MSI2: variants seen among roughly 807,000 people sequenced by gnomAD.
The protein encoded by MSI2 is musashi RNA binding protein 2.
A neutral mutation model predicts 45.6 loss-of-function variants in MSI2; 17 were observed. That is an observed-to-expected ratio of 0.37 (90% CI 0.26 to 0.56). The LOEUF (loss-of-function observed/expected upper bound fraction) is 0.56, where lower values mean the gene tolerates loss of function less well. Among genes scored for constraint, MSI2 ranks in the 20% least tolerant of loss-of-function variants. The pLI, the probability that MSI2 is intolerant of heterozygous loss-of-function variation, is 0.77. For missense variants in MSI2, 293 were observed against 444.2 expected, an observed-to-expected ratio of 0.66 and a Z score of 3.06; for synonymous variants, 156 against 158.2, an observed-to-expected ratio of 0.99 and a Z score of 0.11.
chr17:57,611,699 G>A (rs1236908223), intron 8 of MSI2, among the ~76,000 whole-genome samples: 1 of 95,944 alleles, frequency 1.0e-5, no homozygotes, highest in Non-Finnish European at 2.5e-5. Context: ...AAGACCAGGC[G>A]CCATGGAGAA....
intron 5 of MSI2, among the ~76,000 whole-genome samples, chr17:57,366,443 C>G (rs1917199732): frequency 6.6e-6 from 1 of 152,246 alleles, no homozygotes; most frequent in African/African-American, 2.4e-5. Context: ...TGACCACATG[C>G]TGCTCTTAAA....
Position 57,442,553 on chromosome 17 carries a change from C to T in MSI2, c.405+41082C>T, listed in dbSNP as rs1006571568. On this transcript the variant is annotated intron_variant, in intron 6 of 13. Coordinates refer to ENST00000284073, the MANE Select transcript of MSI2 (RefSeq NM_138962.4). ...TTAGCCATCTCCCCTCCCCTTCTCCCGGAAGAAATGGGTGTTTTGTTCTCC... is the reference window on the plus strand; with the variant it reads ...TTAGCCATCTCCCCTCCCCTTCTCCTGGAAGAAATGGGTGTTTTGTTCTCC... Among the ~76,000 whole-genome samples, 14 of 152,154 alleles carry T rather than the reference C, an allele frequency of 9.2e-5. No homozygotes were observed. In the East Asian group the frequency reaches 9.6e-4, roughly 10 times the overall value.
chr17:57,383,655 C>A (rs538876268), intron 5 of MSI2, among the ~76,000 whole-genome samples: 1 of 150,836 alleles, frequency 6.6e-6, no homozygotes, highest in Admixed American at 6.6e-5. Context: ...AGCAAGACTC[C>A]GTCTAAAAAA....
intron 6 of MSI2, among the ~76,000 whole-genome samples, chr17:57,440,270 A>G (rs766098499): frequency 2.0e-5 from 3 of 152,186 alleles, no homozygotes; most frequent in Admixed American, 6.5e-5. Flanking sequence ...GCTGGGGCAC[A>G]GGAAGCCGTG....
At chr17:57,363,701 T>G (rs1916986316) in intron 5 of MSI2, among the ~76,000 whole-genome samples, 1 of 152,158 alleles carries the variant, frequency 6.6e-6, no homozygotes, top group Non-Finnish European at 1.5e-5. Context: ...TTGGCACCAC[T>G]GCACTCCAGC....
intron 6 of MSI2, among the ~76,000 whole-genome samples, chr17:57,509,417 TTTTTG>T (rs374265691): frequency 7.2e-5 from 11 of 152,226 alleles, no homozygotes; most frequent in Non-Finnish European, 1.0e-4. Context: ...GGTTGCTTGC[TTTTTG>T]TTTTGTTTTG....
intron 5 of MSI2, among the ~76,000 whole-genome samples, chr17:57,345,817 T>TC (rs1330130869): frequency 4.4e-5 from 3 of 68,320 alleles, no homozygotes; most frequent in Non-Finnish European, 2.6e-5. Context: ...GGACTCCGTC[T>TC]CAAAAAAAAA....
At chr17:57,392,803 T>C (rs1393913876) in intron 5 of MSI2, among the ~76,000 whole-genome samples, 2 of 152,138 alleles carry the variant, frequency 1.3e-5, no homozygotes, top group Admixed American at 6.6e-5. Context: ...TTCTTGGACA[T>C]GTGGGCTTAT....
Position 57,355,054 on chromosome 17 carries a change from G to A in MSI2, c.313-46325G>A, listed in dbSNP as rs201360299. ...CTCAAAGGAACCCAACCAGAAAGGA[G>A]AATACCTTGGCCCACATAACTGTAA... is the stretch of plus-strand genomic sequence containing the variant. On this transcript the variant is annotated intron_variant, in intron 5 of 13. Coordinates refer to ENST00000284073, the MANE Select transcript of MSI2 (RefSeq NM_138962.4). Among the ~76,000 whole-genome samples the A allele has an allele frequency of 7.2e-5, 11 of 152,326 alleles. No homozygotes were observed. In the East Asian group the frequency reaches 1.7e-3, roughly 24 times the overall value.
chr17:57,606,495 G>A (rs1166080590), intron 8 of MSI2: 2 of 152,198 alleles, frequency 1.3e-5, no homozygotes, highest in Non-Finnish European at 2.9e-5. Context: ...AGACTAGGAG[G>A]CACCCACTCT....
At chr17:57,648,874 G>A (rs1910899951) in intron 10 of MSI2, among the ~76,000 whole-genome samples, 1 of 152,170 alleles carries the variant, frequency 6.6e-6, no homozygotes, top group Non-Finnish European at 1.5e-5. Flanking sequence ...TCAGGGCCTG[G>A]GGGAAAATGC....
At chr17:57,484,517 G>C (rs1351709292) in intron 6 of MSI2, among the ~76,000 whole-genome samples, 4 of 152,186 alleles carry the variant, frequency 2.6e-5, no homozygotes, top group African/African-American at 9.6e-5. Context: ...AGTTACCACA[G>C]CCTTCTTTGT....
chr17:57,518,703 G>A (rs1458265702), intron 6 of MSI2, among the ~76,000 whole-genome samples: 1 of 152,150 alleles, frequency 6.6e-6, no homozygotes, highest in Non-Finnish European at 1.5e-5. Flanking sequence ...AGAGGCTGGA[G>A]AGGGGGAGAA....
chr17:57,352,589 G>A (rs554199853), intron 5 of MSI2, among the ~76,000 whole-genome samples: 1 of 152,190 alleles, frequency 6.6e-6, no homozygotes, highest in African/African-American at 2.4e-5. Flanking sequence ...GCTCACAAAG[G>A]TCTGTGATTT....
chr17:57,494,440 G>A (rs1015613180), intron 6 of MSI2, among the ~76,000 whole-genome samples: 3 of 152,262 alleles, frequency 2.0e-5, no homozygotes, highest in Admixed American at 2.0e-4. Context: ...TTGGGGGCTG[G>A]AGAAGTAGAG....
chr17:57,592,180 A>T (rs1446728627), intron 7 of MSI2, among the ~76,000 whole-genome samples: 1 of 152,096 alleles, frequency 6.6e-6, no homozygotes, highest in African/African-American at 2.4e-5. Flanking sequence ...TCCAAAAAAA[A>T]AAAAAAGGCT....
chr17:57,589,816 GATGGA>G (rs1904657495), intron 7 of MSI2, among the ~76,000 whole-genome samples: 1 of 152,200 alleles, frequency 6.6e-6, no homozygotes, highest in Non-Finnish European at 1.5e-5. Context: ...GCCATGTCAC[GATGGA>G]TGAGTCACTG....
At chr17:57,277,053 C>CT (rs34561938) in intron 5 of MSI2, among the ~76,000 whole-genome samples, 8,902 of 124,888 alleles carry the variant, frequency 0.071, 393 homozygotes, top group East Asian at 0.12. Flanking sequence ...GTTTTCTTTT[C>CT]TTTTTTTTTT....
intron 6 of MSI2, among the ~76,000 whole-genome samples, chr17:57,431,011 C>T: frequency 6.6e-6 from 1 of 152,264 alleles, no homozygotes; most frequent in East Asian, 1.9e-4. Flanking sequence ...TTTCCTCTCT[C>T]TTTGGCTGTA....
Sources: gnomAD v4.1 joint callset for allele counts (sites outside exome capture counted in the v4.1 genomes callset) on GRCh38, gnomAD v4.1.1 for gene constraint, MANE v1.5 for transcripts, NCBI Gene and HGNC (gene_info 2026-07-23, HGNC 2026-07-21) for gene names.